The following GP2 variants were observed in gnomAD, a reference collection of about 807,000 sequenced individuals.
GP2 encodes pancreatic secretory granule membrane major glycoprotein GP2.
In GP2, 58 loss-of-function variants were observed where a neutral mutation model predicts 60.8. The ratio of observed to expected loss-of-function variants is 0.95; its 90% CI spans 0.77 to 1.19. The LOEUF (loss-of-function observed/expected upper bound fraction) is 1.19, where lower values mean the gene tolerates loss of function less well. Ranked by LOEUF, GP2 falls within the 50% of genes most tolerant of loss-of-function variation. The probability of loss-of-function intolerance (pLI) is 0.00; values close to 1 mark genes in which losing one functional copy is unlikely to be tolerated. For missense variants in GP2, 647 were observed against 667.4 expected, an observed-to-expected ratio of 0.97 and a Z score of 0.34; for synonymous variants, 280 against 253.4, an observed-to-expected ratio of 1.10 and a Z score of -1.00.
At position 20,324,052 on chromosome 16, in the gene GP2, C is replaced by T; in HGVS notation, c.299G>A (p.Gly100Glu). ...SGWYRFVGEG[G>E]VRMSETCVQV... ...GACACAGGTCTCCGACATCCTTACT[C>T]CTCCTTCCCCTACAAAGCGGTACCA... The change falls in exon 3 of 11, where the codon GGA becomes GAA. Residue 100 changes from glycine to glutamate, a missense_variant. Gly to Glu is a moderately conservative substitution (Grantham distance 98). Coordinates refer to ENST00000302555, the MANE Select transcript of GP2 (RefSeq NM_001502.4). The T allele has an allele frequency of 1.2e-6, 2 of 1,614,022 alleles. No individual in the cohort carries two copies. Among genetic ancestry groups the T allele is most frequent in the Non-Finnish European group, 1.7e-6 (2 of 1,179,854 alleles).
chr16:20,313,935 T>C (rs1211616509), intron 10 of GP2, among the ~76,000 whole-genome samples: 1 of 152,168 alleles, frequency 6.6e-6, no homozygotes, highest in African/African-American at 2.4e-5. Flanking sequence ...GCCTGGGTCT[T>C]TGACAGCTTT....
At chr16:20,313,891 A>G (rs113551443) in intron 10 of GP2, among the ~76,000 whole-genome samples, 38 of 152,302 alleles carry the variant, frequency 2.5e-4, no homozygotes, top group African/African-American at 8.7e-4. Flanking sequence ...TGATGGCCAC[A>G]CCTCAAAGAT....
At chr16:20,314,834 G>A (rs1596518791) in intron 9 of GP2, 133 bp from the exon 10 acceptor site, 1 of 727,242 alleles carries the variant, frequency 1.4e-6, no homozygotes, top group East Asian at 2.5e-5. Context: ...CACATTGTGG[G>A]GGCATCTAGA....
intron 1 of GP2, chr16:20,326,855 T>C (rs1408206892): frequency 5.6e-6 from 1 of 177,286 alleles, no homozygotes; most frequent in Non-Finnish European, 1.2e-5. Context: ...TAGATTTCTG[T>C]GACTGTGGAA....
chr16:20,317,157 TC>T, intron 8 of GP2, 55 bp downstream of exon 8: 1 of 713,890 alleles, frequency 1.4e-6, no homozygotes, highest in Non-Finnish European at 2.0e-6. Flanking sequence ...GGAAAGCCTA[TC>T]AGGTACCAGG....
In GP2 at chr16:20,320,424, C is replaced by A. The variant is rs1321131686; in HGVS notation, c.696G>T (p.Lys232Asn). ...CCAGCAAACATTTGTCCACCTTCACCTTGATCTCCCTGGGCCCACAGTCTA... is the reference window on the plus strand; with the variant it reads ...CCAGCAAACATTTGTCCACCTTCACATTGATCTCCCTGGGCCCACAGTCTA... ...PQLDCGPREI[K>N]VKVDKCLLGG... Residue 232 changes from lysine (K) to asparagine (N), a missense_variant, in exon 5 of 11, where the codon AAG (lysine) becomes AAT (asparagine). Physicochemically the swap from Lys to Asn is moderately conservative, Grantham distance 94. Transcript: ENST00000302555. The A allele has an allele frequency of 6.2e-7, 1 of 1,614,082 alleles. No homozygotes were observed. The highest frequency in any genetic ancestry group is 1.1e-5 in the South Asian group (1 of 91,074).
chr16:20,326,536 C>A, intron 1 of GP2, 69 bp from the exon 2 acceptor site: 1 of 1,262,204 alleles, frequency 7.9e-7, no homozygotes, highest in Non-Finnish European at 1.1e-6. Context: ...GATCCGTTGA[C>A]TTCCTTCATA....
Position 20,318,104 on chromosome 16 carries a change from C to T in GP2, c.1253+81G>A, listed in dbSNP as rs1017723493. On this transcript the variant is annotated intron_variant, in intron 7 of 10. Transcript: ENST00000302555. ...GTTATGATATGTAGTACAACTTACACGTCTGCTGGGGATGGATGAGATGAA... is the reference window on the plus strand; with the variant it reads ...GTTATGATATGTAGTACAACTTACATGTCTGCTGGGGATGGATGAGATGAA... 2.5e-5 allele frequency: 29 copies of T among 1,143,478 alleles called. No homozygotes were observed. In the African/African-American group the frequency reaches 3.5e-4, roughly 14 times the overall value. The allele number at this position is 1,143,478 out of a possible 1,614,324, so 70.8% of individuals were successfully genotyped here. A position where few individuals can be genotyped will look rare whatever the true frequency, so the allele number is the denominator to read the frequency against.
Position 20,323,376 on chromosome 16 carries a change from C to A in GP2, c.536-397G>T, listed in dbSNP as rs751830060. On this transcript the variant is annotated intron_variant, in intron 3 of 10. Transcript: ENST00000302555. Reference sequence around the variant, plus strand: ...CCCTAACTGGGGTAATTAGGTAGCACTTACCTCGTGGAACTGGGGAGAGGA... The same window carrying A: ...CCCTAACTGGGGTAATTAGGTAGCAATTACCTCGTGGAACTGGGGAGAGGA... 7 of 718,318 alleles carry A rather than the reference C, an allele frequency of 9.7e-6. No individual in the cohort carries two copies. The Admixed American group carries it at 1.2e-4, about 12-fold the overall frequency. The allele number at this position is 718,318 out of a possible 1,614,324, so 44.5% of individuals were successfully genotyped here.
Position 20,322,940 on chromosome 16 carries a change from C to A in GP2, c.575G>T (p.Arg192Leu). The A allele has an allele frequency of 3.1e-6, 5 of 1,612,662 alleles. No individual in the cohort carries two copies. The highest frequency in any genetic ancestry group is 4.2e-6 in the Non-Finnish European group (5 of 1,178,756). Residue 192 changes from arginine to leucine, a missense_variant, in exon 4 of 11, where the codon CGC becomes CTC. Coordinates refer to ENST00000302555, the MANE Select transcript of GP2 (RefSeq NM_001502.4). ...GAGGGCAAGGCACTCCTCCTCGGGG[C>A]GGCAGGCCTTCTCACACTTGTCCTC... ...TVEDKCEKAC[R>L]PEEECLALNS...
At chr16:20,322,790 T>G in intron 4 of GP2, 79 bp downstream of exon 4, 1 of 778,812 alleles carries the variant, frequency 1.3e-6, no homozygotes, top group Non-Finnish European at 2.3e-6. Context: ...GCTTTATACC[T>G]TATCTTGACC....
chr16:20,326,258 G>T, intron 2 of GP2, 80 bp downstream of exon 2: 1 of 1,341,492 alleles, frequency 7.5e-7, no homozygotes, highest in Non-Finnish European at 1.1e-6. Flanking sequence ...TTCCTTACCT[G>T]AGCCACCTTC....
At chr16:20,320,597 T>G in intron 4 of GP2, 124 bp from the exon 5 acceptor site, 3 of 695,778 alleles carry the variant, frequency 4.3e-6, no homozygotes, top group Non-Finnish European at 7.4e-6. Context: ...GGGATCCAGA[T>G]GGAATTCATG....
At chr16:20,323,599 A>G in intron 3 of GP2, 1 of 603,494 alleles carries the variant, frequency 1.7e-6, no homozygotes, top group East Asian at 2.8e-5. Context: ...TGCTACACAC[A>G]TTTATAAACT....
Position 20,323,934 on chromosome 16 carries a change from G to A in GP2, c.417C>T (p.Ala139=), listed in dbSNP as rs770858674. ...GDGITNHTAC[A]HWSGNCCFWK... is the part of the protein sequence containing the mutation. ...AGAAACAGCAGTTGCCACTCCAATGGGCACAGGCAGTGTGGTTGGTGATGC... is the reference window on the plus strand; with the variant it reads ...AGAAACAGCAGTTGCCACTCCAATGAGCACAGGCAGTGTGGTTGGTGATGC... The change falls in exon 3 of 11, where the codon GCC becomes GCT. Residue 139 remains alanine (A), a synonymous_variant. Coordinates refer to ENST00000302555, the MANE Select transcript of GP2 (RefSeq NM_001502.4). 9.8e-5 allele frequency: 158 copies of A among 1,613,840 alleles called. No individual in the cohort carries two copies. Among genetic ancestry groups the A allele is most frequent in the Non-Finnish European group, 1.2e-4 (145 of 1,179,822 alleles).
chr16:20,327,488 T>C lies in GP2; in HGVS notation c.-58A>G. 7.8e-7 allele frequency: 1 copy of C among 1,288,844 alleles called. No individual in the cohort carries two copies. Among genetic ancestry groups the C allele is most frequent in the Non-Finnish European group, 1.0e-6 (1 of 988,458 alleles). 79.8% of individuals were successfully genotyped at this position (1,288,844 alleles called of 1,614,324 possible). ...TTACCTCCGATGAGAACACAAAGCG[T>C]TCCTCCTCTGGCCAGCCATGGGAAT... On this transcript the variant is annotated 5_prime_UTR_variant, in exon 1 of 11. Coordinates refer to ENST00000302555, the MANE Select transcript of GP2 (RefSeq NM_001502.4).
At chr16:20,314,039 C>T (rs762033420) in intron 10 of GP2, among the ~76,000 whole-genome samples, 6 of 151,914 alleles carry the variant, frequency 3.9e-5, no homozygotes, top group Admixed American at 1.3e-4. Flanking sequence ...CACATGGACA[C>T]AGGGAGGGGA....
intron 2 of GP2, among the ~76,000 whole-genome samples, chr16:20,325,828 A>G (rs1409848934): frequency 5.9e-5 from 9 of 152,216 alleles, no homozygotes; most frequent in Non-Finnish European, 1.2e-4. Context: ...GAATCACTGC[A>G]TTTGTTATTC....
At position 20,311,128 on chromosome 16, in the gene GP2, G is replaced by T; in HGVS notation, c.*95C>A. The T allele has an allele frequency of 2.5e-6, 2 of 802,098 alleles. No individual in the cohort carries two copies. Among genetic ancestry groups the T allele is most frequent in the Non-Finnish European group, 4.5e-6 (2 of 446,588 alleles). 49.7% of individuals were successfully genotyped at this position (802,098 alleles called of 1,614,324 possible). On this transcript the variant is annotated 3_prime_UTR_variant, in exon 11 of 11. Transcript: ENST00000302555. ...TTGGCCTTGATTCTATTAATACCAA[G>T]CCTGTGTGAATTGGAGTGGAAAGCA...
Sources: gnomAD v4.1 joint callset for allele counts (sites outside exome capture counted in the v4.1 genomes callset) on GRCh38, gnomAD v4.1.1 for gene constraint, MANE v1.5 for transcripts, NCBI Gene and HGNC (gene_info 2026-07-23, HGNC 2026-07-21) for gene names.